Variants in CNKSR2 observed in about 807,000 individuals in gnomAD.
CNKSR2 encodes the protein CNK homolog protein 2.
A neutral mutation model predicts 84.4 loss-of-function variants in CNKSR2; 14 were observed. The ratio of observed to expected loss-of-function variants is 0.17; its 90% CI spans 0.11 to 0.26. The LOEUF is 0.26. Among genes scored for constraint, CNKSR2 ranks in the 10% least tolerant of loss-of-function variants. The pLI is 1.00. For missense variants in CNKSR2, 485 were observed against 771.2 expected, an observed-to-expected ratio of 0.63 and a Z score of 4.40; for synonymous variants, 275 against 277.9, an observed-to-expected ratio of 0.99 and a Z score of 0.10.
At chrX:21,475,206 A>C (rs1468652228) in intron 5 of CNKSR2, among the ~76,000 whole-genome samples, 1 of 111,952 alleles carries the variant, frequency 8.9e-6, no homozygotes, top group Non-Finnish European at 1.9e-5. Context: ...TGTTCATAAC[A>C]CAAAGAAATG....
At chrX:21,426,972 A>G (rs1310056754) in intron 2 of CNKSR2, 3 of 251,317 alleles carry the variant, frequency 1.2e-5, no homozygotes, top group Non-Finnish European at 2.1e-5. Context: ...TCACACTGCC[A>G]GTTGAGAAAG....
At chrX:21,505,866 TC>T (rs1000925178) in intron 8 of CNKSR2, 2 of 111,722 alleles carry the variant, frequency 1.8e-5, no homozygotes, top group African/African-American at 6.5e-5. Flanking sequence ...GTACTTTCTT[TC>T]TCTTTTTTGA....
At chrX:21,574,014 C>G (rs2092302556) in intron 13 of CNKSR2, among the ~76,000 whole-genome samples, 1 of 111,419 alleles carries the variant, frequency 9.0e-6, no homozygotes, top group Admixed American at 9.5e-5. Context: ...CCTAAATCAT[C>G]TCTCTCAAGT....
chrX:21,649,176 C>T, intron 21 of CNKSR2, 149 bp downstream of exon 21: 1 of 430,783 alleles, frequency 2.3e-6, no homozygotes, highest in Non-Finnish European at 4.0e-6. Flanking sequence ...ATTTCTATGT[C>T]ATAATAACTA....
intron 1 of CNKSR2, among the ~76,000 whole-genome samples, chrX:21,388,677 T>C (rs906787017): frequency 7.2e-5 from 8 of 111,673 alleles, no homozygotes; most frequent in African/African-American, 2.6e-4. Context: ...GATAGAAATG[T>C]CTAGATAAGT....
intron 1 of CNKSR2, among the ~76,000 whole-genome samples, chrX:21,376,164 C>CAGA (rs2089812497): frequency 1.8e-5 from 2 of 112,513 alleles, no homozygotes; most frequent in South Asian, 7.4e-4. Flanking sequence ...GTCAGACTTT[C>CAGA]TAAGCTCCAG....
chrX:21,538,992 C>T (rs1032491408), intron 11 of CNKSR2: 4 of 111,864 alleles, frequency 3.6e-5, no homozygotes, highest in African/African-American at 1.3e-4. Context: ...TATTAATCTC[C>T]TTTGGCAACA....
chrX:21,540,698 T>C (rs2091969031), intron 11 of CNKSR2, among the ~76,000 whole-genome samples: 1 of 111,833 alleles, frequency 8.9e-6, no homozygotes, highest in Admixed American at 9.4e-5. Flanking sequence ...CCTTGAAGTA[T>C]GTGAATTTAG....
intron 1 of CNKSR2, among the ~76,000 whole-genome samples, chrX:21,402,230 G>C (rs964514750): frequency 9.0e-6 from 1 of 111,058 alleles, no homozygotes; most frequent in Non-Finnish European, 1.9e-5. Flanking sequence ...GGATAAGTAA[G>C]GACATAGAGT....
chrX:21,421,259 G>C (rs1319499152), intron 1 of CNKSR2, among the ~76,000 whole-genome samples: 1 of 108,505 alleles, frequency 9.2e-6, no homozygotes, highest in Non-Finnish European at 1.9e-5. Context: ...TGGGCTTCAG[G>C]AAGGTGTGGC....
chrX:21,593,086 AT>A (rs1286057369), intron 15 of CNKSR2: 1 of 111,108 alleles, frequency 9.0e-6, no homozygotes, highest in African/African-American at 3.3e-5. Flanking sequence ...ATATGATAAT[AT>A]TTTTAGGAGA....
At chrX:21,424,773 A>T (rs1268834396) in intron 1 of CNKSR2, 1 of 111,623 alleles carries the variant, frequency 9.0e-6, no homozygotes, top group Non-Finnish European at 1.9e-5. Context: ...CTTGTTCCTG[A>T]CTTTAGAGTC....
chrX:21,608,999 A>T, intron 19 of CNKSR2, 72 bp from the exon 20 acceptor site: 1 of 1,135,181 alleles, frequency 8.8e-7, no homozygotes, highest in Non-Finnish European at 1.2e-6. Flanking sequence ...CCTGGTAGAA[A>T]CCGAATGTGT....
intron 1 of CNKSR2, among the ~76,000 whole-genome samples, chrX:21,391,363 C>T (rs2090048642): frequency 8.9e-6 from 1 of 112,434 alleles, no homozygotes; most frequent in Admixed American, 9.3e-5. Context: ...CATACATTTC[C>T]ATAGATCCTC....
chrX:21,379,133 G>GTATAAAAGTT (rs1262759813), intron 1 of CNKSR2, among the ~76,000 whole-genome samples: 5 of 112,839 alleles, frequency 4.4e-5, no homozygotes, highest in Non-Finnish European at 7.5e-5. Flanking sequence ...AGTCTAGTCA[G>GTATAAAAGTT]TATAAAAGTT....
At chrX:21,567,239 A>T (rs902380854) in intron 13 of CNKSR2, among the ~76,000 whole-genome samples, 1 of 111,955 alleles carries the variant, frequency 8.9e-6, no homozygotes, top group Non-Finnish European at 1.9e-5. Context: ...ATTTATGTGA[A>T]CATCTGCCTA....
intron 20 of CNKSR2, among the ~76,000 whole-genome samples, chrX:21,632,949 T>C (rs2092654177): frequency 9.1e-6 from 1 of 110,006 alleles, no homozygotes; most frequent in Non-Finnish European, 1.9e-5. Flanking sequence ...AATGTTAGTA[T>C]GTGTATATAG....
rs762389827 is a variant in CNKSR2 at position 21,379,785 on chromosome X, A to G, written c.64+4824A>G. 5.4e-5 allele frequency among the ~76,000 whole-genome samples: 6 copies of G among 111,785 alleles called. No homozygotes were observed. In the South Asian group the frequency reaches 2.2e-3, roughly 42 times the overall value. ...TTAGGCAAAGACAGAGAGAGGTGCC[A>G]ACTAGCACATGTAGTAATTTTTTAA... On this transcript the variant is annotated intron_variant, in intron 1 of 21. Coordinates refer to ENST00000379510, the MANE Select transcript of CNKSR2 (RefSeq NM_014927.5).
At chrX:21,587,050 A>G (rs1425759139) in intron 13 of CNKSR2, among the ~76,000 whole-genome samples, 1 of 112,131 alleles carries the variant, frequency 8.9e-6, no homozygotes, top group African/African-American at 3.2e-5. Context: ...ATTGTAACCT[A>G]GACACATAAT....
Sources: allele counts gnomAD v4.1 joint callset (sites outside exome capture counted in the v4.1 genomes callset), GRCh38; gene constraint gnomAD v4.1.1; transcripts MANE v1.5; gene names NCBI Gene and HGNC (gene_info 2026-07-23, HGNC 2026-07-21).